Variants in TNIK observed in about 807,000 individuals in gnomAD.
TNIK encodes the protein TRAF2 and NCK interacting kinase.
TNIK carries 49 observed loss-of-function variants against 191.3 expected under a neutral mutation model. The observed-to-expected ratio is 0.26, with a 90% CI of 0.20 to 0.32. The LOEUF (loss-of-function observed/expected upper bound fraction) is 0.32, where lower values mean the gene tolerates loss of function less well. TNIK is among the 10% of genes least tolerant of loss of function. The pLI is 1.00. For synonymous variants in TNIK, 594 were observed against 600.9 expected (o/e 0.99, Z 0.17); for missense variants, 1,155 against 1,702.3 (o/e 0.68, Z 5.66).
chr3:171,265,831 A>G (rs1167288377), intron 2 of TNIK, among the ~76,000 whole-genome samples: 1 of 151,570 alleles, frequency 6.6e-6, no homozygotes, highest in Non-Finnish European at 1.5e-5. Context: ...GTCACTAGTG[A>G]TTGCTTTAAA....
rs1185172315 is a variant in TNIK, at chr3:171,379,378, C to T, written c.58-9693G>A. On this transcript the variant is annotated intron_variant, in intron 1 of 32. Transcript: ENST00000436636. ...ATCCAAGGACTTCTTGTAACACTGA[C>T]TTGAATATTTTTTCTGATTTTGGTG... 2.0e-5 allele frequency among the ~76,000 whole-genome samples: 3 copies of T among 152,144 alleles called. No individual in the cohort carries two copies. In the South Asian group the frequency reaches 6.2e-4, roughly 32 times the overall value.
rs2108291959 is a variant in TNIK, at chr3:171,062,881, A to G, written c.*1000T>C. 1 of 152,222 alleles carries G rather than the reference A, an allele frequency of 6.6e-6. No homozygotes were observed. Among genetic ancestry groups the G allele is most frequent in the African/African-American group, 2.4e-5 (1 of 41,538 alleles). The allele number at this position is 152,222 out of a possible 1,614,324, so 9.4% of individuals were successfully genotyped here. On this transcript the variant is annotated 3_prime_UTR_variant, in exon 33 of 33. Transcript: ENST00000436636. ...ATCCACTCTCCAAGTCCCAGAAAGAACTCAACAAAGTCTCAGTCCTAATGA... is the reference window on the plus strand; with the variant it reads ...ATCCACTCTCCAAGTCCCAGAAAGAGCTCAACAAAGTCTCAGTCCTAATGA...
At chr3:171,417,700 C>A (rs186099152) in intron 1 of TNIK, among the ~76,000 whole-genome samples, 2 of 152,146 alleles carry the variant, frequency 1.3e-5, no homozygotes, top group Admixed American at 1.3e-4. Context: ...GCTCACTGAA[C>A]TTCAATAAGT....
intron 2 of TNIK, among the ~76,000 whole-genome samples, chr3:171,321,116 GAAC>G (rs1399860886): frequency 5.9e-5 from 9 of 152,156 alleles, no homozygotes; most frequent in Non-Finnish European, 1.2e-4. Context: ...GAAGGACGGA[GAAC>G]AACGATTTCT....
chr3:171,412,856 A>T (rs1190817769), intron 1 of TNIK, among the ~76,000 whole-genome samples: 3 of 152,204 alleles, frequency 2.0e-5, no homozygotes, highest in Non-Finnish European at 4.4e-5. Flanking sequence ...GTAGGTTTTC[A>T]ATCAATGGTA....
At chr3:171,165,415 CAAAAAA>C (rs35708323) in intron 10 of TNIK, among the ~76,000 whole-genome samples, 2 of 72,794 alleles carry the variant, frequency 2.7e-5, no homozygotes, top group Admixed American at 1.5e-4. Flanking sequence ...GAACTCATCT[CAAAAAA>C]AAAAAAAAAA....
At chr3:171,148,903 G>A (rs1487034464) in intron 12 of TNIK, among the ~76,000 whole-genome samples, 1 of 152,184 alleles carries the variant, frequency 6.6e-6, no homozygotes, top group Non-Finnish European at 1.5e-5. Context: ...TACAAGGAAA[G>A]ATTATATGTT....
intron 1 of TNIK, among the ~76,000 whole-genome samples, chr3:171,409,496 T>A (rs1231680311): frequency 6.6e-6 from 1 of 152,028 alleles, no homozygotes; most frequent in Non-Finnish European, 1.5e-5. Flanking sequence ...ATTGACTAAT[T>A]TATTGATTTT....
intron 1 of TNIK, among the ~76,000 whole-genome samples, chr3:171,428,305 T>G (rs757484388): frequency 6.6e-6 from 1 of 152,166 alleles, no homozygotes; most frequent in Non-Finnish European, 1.5e-5. Flanking sequence ...AAAAAGGTTT[T>G]CTGATGGATC....
At chr3:171,082,106 T>C in intron 27 of TNIK, 145 bp downstream of exon 27, 1 of 1,094,844 alleles carries the variant, frequency 9.1e-7, no homozygotes, top group South Asian at 1.9e-5. Flanking sequence ...TTACAAAATG[T>C]GGGCAATCTC....
intron 2 of TNIK, among the ~76,000 whole-genome samples, chr3:171,331,001 C>G (rs1020639719): frequency 6.6e-6 from 1 of 152,256 alleles, no homozygotes; most frequent in African/African-American, 2.4e-5. Flanking sequence ...TATAGAGGTG[C>G]CCATTTCGCT....
At chr3:171,236,257 G>A (rs552187242) in intron 2 of TNIK, among the ~76,000 whole-genome samples, 1 of 152,320 alleles carries the variant, frequency 6.6e-6, no homozygotes, top group Admixed American at 6.5e-5. Flanking sequence ...ACACCTGGGA[G>A]AATCTTGATA....
intron 2 of TNIK, among the ~76,000 whole-genome samples, chr3:171,291,269 TA>T (rs1344150125): frequency 6.6e-6 from 1 of 152,202 alleles, no homozygotes; most frequent in Non-Finnish European, 1.5e-5. Context: ...ATATGCATTG[TA>T]AATAAATTGA....
chr3:171,110,170 G>A (rs529720142), intron 19 of TNIK, among the ~76,000 whole-genome samples: 2 of 152,264 alleles, frequency 1.3e-5, no homozygotes, highest in East Asian at 3.9e-4. Flanking sequence ...GCCTCCCTAA[G>A]TGCTGGGATT....
At chr3:171,232,893 T>G (rs1270484778) in intron 2 of TNIK, among the ~76,000 whole-genome samples, 2 of 152,190 alleles carry the variant, frequency 1.3e-5, no homozygotes, top group Non-Finnish European at 2.9e-5. Flanking sequence ...CTAAAATGAA[T>G]GCAAGAGAAA....
chr3:171,088,995 A>G (rs542643974), intron 23 of TNIK, among the ~76,000 whole-genome samples: 1 of 152,312 alleles, frequency 6.6e-6, no homozygotes, highest in South Asian at 2.1e-4. Context: ...GGAGCTTGTC[A>G]TGGATTTGCA....
chr3:171,175,133 A>C, intron 9 of TNIK, 119 bp downstream of exon 9: 2 of 952,148 alleles, frequency 2.1e-6, no homozygotes, highest in Non-Finnish European at 3.3e-6. Context: ...TAATTCACCA[A>C]GTCATCATAC....
At chr3:171,441,070 C>CAGAG (rs1301056315) in intron 1 of TNIK, among the ~76,000 whole-genome samples, 21 of 152,184 alleles carry the variant, frequency 1.4e-4, no homozygotes, top group African/African-American at 4.6e-4. Flanking sequence ...TCAGAGAACC[C>CAGAG]ATCTATCTCT....
chr3:171,334,388 A>AG (rs1756737363), intron 2 of TNIK, among the ~76,000 whole-genome samples: 1 of 152,058 alleles, frequency 6.6e-6, no homozygotes, highest in Non-Finnish European at 1.5e-5. Flanking sequence ...GATGCCTGGG[A>AG]GATGGAGGAG....
Sources: gnomAD v4.1 joint callset for allele counts (sites outside exome capture counted in the v4.1 genomes callset) on GRCh38, gnomAD v4.1.1 for gene constraint, MANE v1.5 for transcripts, NCBI Gene and HGNC (gene_info 2026-07-23, HGNC 2026-07-21) for gene names.